Variants in GMEB2 observed in about 807,000 individuals in gnomAD.
The protein encoded by GMEB2 is glucocorticoid modulatory element-binding protein 2.
Under a neutral mutation model 45.7 loss-of-function variants are expected in GMEB2, and 7 were observed. The ratio of observed to expected loss-of-function variants is 0.15; its 90% CI spans 0.09 to 0.29. The LOEUF (loss-of-function observed/expected upper bound fraction) is 0.29, where lower values mean the gene tolerates loss of function less well. GMEB2 is among the 10% of genes least tolerant of loss of function. GMEB2 has a pLI of 1.00. For synonymous variants in GMEB2, 322 were observed against 323.6 expected (o/e 1.00, Z 0.05); for missense variants, 582 against 739.2 (o/e 0.79, Z 2.47).
At chr20:63,620,606 C>T (rs948727778) in intron 1 of GMEB2, among the ~76,000 whole-genome samples, 2 of 152,206 alleles carry the variant, frequency 1.3e-5, no homozygotes, top group Admixed American at 6.5e-5. Flanking sequence ...TAGGCCACTG[C>T]CCAGGTCTCA....
intron 2 of GMEB2, among the ~76,000 whole-genome samples, chr20:63,617,816 C>T (rs1224550183): frequency 1.3e-5 from 2 of 151,150 alleles, no homozygotes; most frequent in Non-Finnish European, 2.9e-5. Context: ...ACTGGGCCTA[C>T]CCCGAGGCTG....
chr20:63,616,412 C>A (rs1264151427), intron 2 of GMEB2, among the ~76,000 whole-genome samples: 2 of 152,198 alleles, frequency 1.3e-5, no homozygotes, highest in Non-Finnish European at 2.9e-5. Context: ...CCACTGCACT[C>A]CAGCCTAGGC....
In GMEB2 at chr20:63,590,111, G is replaced by T; in HGVS notation, c.1571C>A (p.Ala524Glu). 6.6e-7 allele frequency: 1 copy of T among 1,519,490 alleles called. No homozygotes were observed. Among genetic ancestry groups the T allele is most frequent in the Non-Finnish European group, 8.8e-7 (1 of 1,132,810 alleles). The allele number at this position is 1,519,490 out of a possible 1,614,324, so 94.1% of individuals were successfully genotyped here. A position where few individuals can be genotyped will look rare whatever the true frequency, so the allele number is the denominator to read the frequency against. Residue 524 changes from alanine (A) to glutamate (E), a missense_variant, in exon 10 of 10, where the codon GCA becomes GAA. Physicochemically the swap from Ala to Glu is moderately radical, Grantham distance 107. Coordinates refer to ENST00000370077, the MANE Select transcript of GMEB2 (RefSeq NM_012384.5). ...HTATIEVAAM[A>E]EDHERK ...CGGCTACTTCCGCTCGTGGTCCTCTGCCATGGCAGCCACCTCAATGGTGGC... is the reference window on the plus strand; with the variant it reads ...CGGCTACTTCCGCTCGTGGTCCTCTTCCATGGCAGCCACCTCAATGGTGGC...
At position 63,588,705 on chromosome 20, in the gene GMEB2, G is replaced by A. The variant is rs947870106; in HGVS notation, c.*1384C>T. On this transcript the variant is annotated 3_prime_UTR_variant, in exon 10 of 10. Coordinates refer to ENST00000370077, the MANE Select transcript of GMEB2 (RefSeq NM_012384.5). ...GTGGGACACAGGACCCTCGCATTGC[G>A]GGGCCTCAGACGGGCCTTCAACTGC... is the stretch of plus-strand genomic sequence containing the variant. 3.5e-5 allele frequency: 14 copies of A among 398,432 alleles called. No homozygotes were observed. Among genetic ancestry groups the A allele is most frequent in the African/African-American group, 1.4e-4 (7 of 48,650 alleles). 24.7% of individuals were successfully genotyped at this position (398,432 alleles called of 1,614,324 possible).
rs752348432 is a variant in GMEB2 at position 63,595,683 on chromosome 20, G to A, written c.546C>T (p.Leu182=). 6.2e-7 allele frequency: 1 copy of A among 1,613,952 alleles called. No individual in the cohort carries two copies. Residue 182 remains leucine, a synonymous_variant, in exon 6 of 10, where the codon CTC becomes CTT. Coordinates refer to ENST00000370077, the MANE Select transcript of GMEB2 (RefSeq NM_012384.5). ...SNTCRSTKID[L]SGARVSLSSP... ...TGCTCAGGGACACACGGGCTCCTGA[G>A]AGGTCAATCTTTGTGCTGCGGCAGG...
chr20:63,594,081 A>G (rs1280183938), intron 6 of GMEB2, among the ~76,000 whole-genome samples: 1 of 152,240 alleles, frequency 6.6e-6, no homozygotes, highest in Non-Finnish European at 1.5e-5. Context: ...CCTTTTCCAC[A>G]TTCATCAAAG....
intron 1 of GMEB2, among the ~76,000 whole-genome samples, chr20:63,625,448 T>C (rs1052552449): frequency 4.6e-5 from 7 of 151,966 alleles, no homozygotes; most frequent in Non-Finnish European, 1.0e-4. Context: ...GCTGGGATTA[T>C]AGGTGTGAGC....
chr20:63,625,729 C>G (rs568328491), intron 1 of GMEB2, among the ~76,000 whole-genome samples: 4 of 152,060 alleles, frequency 2.6e-5, no homozygotes, highest in Non-Finnish European at 4.4e-5. Flanking sequence ...TCCCAACTAG[C>G]TGGGATTACA....
chr20:63,615,523 C>G (rs2089602049), intron 2 of GMEB2, among the ~76,000 whole-genome samples: 1 of 152,022 alleles, frequency 6.6e-6, no homozygotes. Context: ...GACGAGGTTT[C>G]ACTATGTTGC....
rs1252341126 is a variant in GMEB2 at position 63,590,199 on chromosome 20, G to A, written c.1483C>T (p.Pro495Ser). The change falls in exon 10 of 10, where the codon CCT becomes TCT. Residue 495 changes from proline (P) to serine (S), a missense_variant. Around this residue, in one of 3 missense-constraint regions of GMEB2, gnomAD observed 462 missense variants for 586.7 expected, o/e 0.79. Transcript: ENST00000370077. ...ACTGTCACAATTGTGCTGGAGCCAG[G>A]CGAGGCCTGGGCCACGTTCTGCAGG... ...PTLQNVAQAS[P>S]GSSTIVTVPA... is the part of the protein sequence containing the mutation. 2 of 1,606,688 alleles carry A rather than the reference G, an allele frequency of 1.2e-6. No homozygotes were observed. The highest frequency in any genetic ancestry group is 2.7e-5 in the African/African-American group (2 of 74,860).
chr20:63,603,104 C>A lies in GMEB2; in HGVS notation c.230-12G>T. ...TTCAGCCATCTTCACTTCTCACAGGCACATTGACAGGGAAGGGTAAAAGCA... is the reference window on the plus strand; with the variant it reads ...TTCAGCCATCTTCACTTCTCACAGGAACATTGACAGGGAAGGGTAAAAGCA... On this transcript the variant is annotated splice_polypyrimidine_tract_variant and intron_variant, in intron 3 of 9. Coordinates refer to ENST00000370077, the MANE Select transcript of GMEB2 (RefSeq NM_012384.5). 1 of 1,613,730 alleles carries A rather than the reference C, an allele frequency of 6.2e-7. No homozygotes were observed. The highest frequency in any genetic ancestry group is 2.2e-5 in the East Asian group (1 of 44,876).
rs569861445 is a variant in GMEB2 at position 63,605,626 on chromosome 20, G to A, written c.132-786C>T. 6.6e-5 allele frequency among the ~76,000 whole-genome samples: 10 copies of A among 152,118 alleles called. No individual in the cohort carries two copies. The South Asian group carries it at 1.9e-3, about 28-fold the overall frequency. On this transcript the variant is annotated intron_variant, in intron 2 of 9. Coordinates refer to ENST00000370077, the MANE Select transcript of GMEB2 (RefSeq NM_012384.5). ...TCACACATTTTCTGTTTGGTTCATG[G>A]TGGCGAGCACCCAGAACGGCACCCA... is the stretch of plus-strand genomic sequence containing the variant.
At chr20:63,590,912 A>G (rs986023101) in intron 9 of GMEB2, among the ~76,000 whole-genome samples, 183 bp from the exon 10 acceptor site, 7 of 152,018 alleles carry the variant, frequency 4.6e-5, no homozygotes, top group African/African-American at 1.7e-4. Flanking sequence ...TCTGTGGGAG[A>G]CGGGGCCCAA....
chr20:63,602,849 C>G, intron 4 of GMEB2, 116 bp downstream of exon 4: 1 of 890,364 alleles, frequency 1.1e-6, no homozygotes, highest in Admixed American at 2.3e-5. Flanking sequence ...ACCTCCTTCA[C>G]TCTCCCCAGC....
At chr20:63,620,948 G>C (rs1439287323) in intron 1 of GMEB2, among the ~76,000 whole-genome samples, 1 of 152,170 alleles carries the variant, frequency 6.6e-6, no homozygotes, top group Non-Finnish European at 1.5e-5. Context: ...TATCGGACCA[G>C]CTCCAAGAGG....
rs868048465 is a variant in GMEB2 at position 63,588,456 on chromosome 20, G to A, written c.*1633C>T. ...CAGAACTCAACTAGAGTGGAAATGA[G>A]TTTAAAACGGAGTATGTACATCAAA... On this transcript the variant is annotated 3_prime_UTR_variant, in exon 10 of 10. Coordinates refer to ENST00000370077, the MANE Select transcript of GMEB2 (RefSeq NM_012384.5). 11 of 284,514 alleles carry A rather than the reference G, an allele frequency of 3.9e-5. No homozygotes were observed. The highest frequency in any genetic ancestry group is 5.8e-5 in the Non-Finnish European group (9 of 154,090). The allele number at this position is 284,514 out of a possible 1,614,324, so 17.6% of individuals were successfully genotyped here. A position where few individuals can be genotyped will look rare whatever the true frequency, so the allele number is the denominator to read the frequency against.
chr20:63,592,386 G>A lies in GMEB2; in HGVS notation c.829+147C>T, dbSNP rs951493255. 1.5e-5 allele frequency: 10 copies of A among 663,348 alleles called. No individual in the cohort carries two copies. Among genetic ancestry groups the A allele is most frequent in the Non-Finnish European group, 2.3e-5 (9 of 391,336 alleles). 41.1% of individuals were successfully genotyped at this position (663,348 alleles called of 1,614,324 possible). A position where few individuals can be genotyped will look rare whatever the true frequency, so the allele number is the denominator to read the frequency against. ...CAAGGCGATCCTCCCACCAAGTTCA[G>A]CCTCAGCACAGCAGGAGTCCCAAGC... is the stretch of plus-strand genomic sequence containing the variant. On this transcript the variant is annotated intron_variant, in intron 8 of 9. Transcript: ENST00000370077. The surrounding 1 kb of genome is among the most constrained non-coding windows in gnomAD (Gnocchi z 8.2).
chr20:63,625,100 CAGA>C (rs1455019856), intron 1 of GMEB2, among the ~76,000 whole-genome samples: 3 of 152,320 alleles, frequency 2.0e-5, no homozygotes, highest in South Asian at 2.1e-4. Flanking sequence ...TCTTTAGACA[CAGA>C]AGAAGCACTA....
In GMEB2 at chr20:63,587,654, A is replaced by G. The variant is rs1459598145; in HGVS notation, c.*2435T>C. ...TCAAAGTACCAGGCAGATACTTGCA[A>G]AACAACATACAAAGCAAAACTCAAA... is the stretch of plus-strand genomic sequence containing the variant. On this transcript the variant is annotated 3_prime_UTR_variant, in exon 10 of 10. Coordinates refer to ENST00000370077, the MANE Select transcript of GMEB2 (RefSeq NM_012384.5). 1 of 152,394 alleles carries G rather than the reference A, an allele frequency of 6.6e-6. No individual in the cohort carries two copies. The highest frequency in any genetic ancestry group is 1.5e-5 in the Non-Finnish European group (1 of 68,042). 9.4% of individuals were successfully genotyped at this position (152,394 alleles called of 1,614,324 possible).
Sources: gnomAD v4.1 joint callset for allele counts (sites outside exome capture counted in the v4.1 genomes callset) on GRCh38, gnomAD v4.1.1 for gene constraint, gnomAD v4.1.1 regional missense constraint, Gnocchi (gnomAD v3.1) non-coding constraint, MANE v1.5 for transcripts, NCBI Gene and HGNC (gene_info 2026-07-23, HGNC 2026-07-21) for gene names.